DPP10: variants seen among roughly 807,000 people sequenced by gnomAD.
DPP10 encodes the protein inactive dipeptidyl peptidase 10.
A neutral mutation model predicts 120.9 loss-of-function variants in DPP10; 33 were observed. The observed-to-expected ratio is 0.27, with a 90% confidence interval of 0.21 to 0.37. The LOEUF (loss-of-function observed/expected upper bound fraction) is 0.37. Ranked by LOEUF, DPP10 falls within the 10% of genes least tolerant of loss-of-function variation. The pLI is 1.00. For synonymous variants in DPP10, 337 were observed against 326.1 expected, an observed-to-expected ratio of 1.03 and a Z score of -0.36; for missense variants, 816 against 942.8, an observed-to-expected ratio of 0.87 and a Z score of 1.76.
rs142947361 is a variant in DPP10 at position 114,934,867 on chromosome 2, T to C, written c.61-374372T>C. 3.3e-3 allele frequency among the ~76,000 whole-genome samples: 501 copies of C among 152,268 alleles called. 4 individuals carry two copies. Among genetic ancestry groups the C allele is most frequent in the African/African-American group, 0.012 (481 of 41,548 alleles). ...ATAGCGTTCATTTTTATATTGCAAATATCTTTTCTCTGTGCCCTTATAAAA... is the reference window on the plus strand; with the variant it reads ...ATAGCGTTCATTTTTATATTGCAAACATCTTTTCTCTGTGCCCTTATAAAA... On this transcript the variant is annotated intron_variant, in intron 1 of 25. Transcript: ENST00000410059.
intron 19 of DPP10, among the ~76,000 whole-genome samples, chr2:115,808,389 G>A (rs7568507): frequency 0.018 from 2,774 of 152,290 alleles, 86 homozygotes; most frequent in African/African-American, 0.061. Context: ...GTTGCATAGA[G>A]ATAGTCAGAT....
At chr2:114,581,331 C>T (rs1047632896) in intron 1 of DPP10, among the ~76,000 whole-genome samples, 1 of 151,388 alleles carries the variant, frequency 6.6e-6, no homozygotes, top group African/African-American at 2.4e-5. Flanking sequence ...CTACAGGTGC[C>T]CACCACCACG....
At chr2:115,314,717 A>G (rs2061711724) in intron 2 of DPP10, among the ~76,000 whole-genome samples, 1 of 152,214 alleles carries the variant, frequency 6.6e-6, no homozygotes, top group Admixed American at 6.6e-5. Context: ...ATACTGCCAC[A>G]GTGATGTTGA....
At chr2:114,708,964 C>T (rs1451750300) in intron 1 of DPP10, among the ~76,000 whole-genome samples, 1 of 152,132 alleles carries the variant, frequency 6.6e-6, no homozygotes, top group Non-Finnish European at 1.5e-5. Flanking sequence ...CTATGTAAAC[C>T]AGGCTGATCT....
intron 1 of DPP10, among the ~76,000 whole-genome samples, chr2:114,547,179 G>A (rs1046105116): frequency 6.6e-6 from 1 of 152,166 alleles, no homozygotes; most frequent in African/African-American, 2.4e-5. Context: ...TTTTACTTTC[G>A]AATTTGTGGT....
At chr2:114,479,737 G>T (rs1020300949) in intron 1 of DPP10, among the ~76,000 whole-genome samples, 6 of 152,170 alleles carry the variant, frequency 3.9e-5, no homozygotes, top group African/African-American at 1.4e-4. Flanking sequence ...AGACTTAAAT[G>T]TTAGACCCAA....
intron 1 of DPP10, among the ~76,000 whole-genome samples, chr2:114,816,201 T>G (rs1235614460): frequency 6.6e-6 from 1 of 152,166 alleles, no homozygotes; most frequent in East Asian, 1.9e-4. Context: ...CTTTTTTGTC[T>G]TTGGAATGTT....
rs79017082 is a variant in DPP10 at position 114,808,382 on chromosome 2, T to C, written c.60+365544T>C. The stretch of plus-strand genomic sequence containing the variant: ...GGTCAGCATGCATTTCTGAAAGAAA[T>C]ATACATAGGAATATAATTGCTAAGT... On this transcript the variant is annotated intron_variant, in intron 1 of 25. Coordinates refer to ENST00000410059, the MANE Select transcript of DPP10 (RefSeq NM_020868.6). Among the ~76,000 whole-genome samples, 706 of 152,284 alleles carry C rather than the reference T, an allele frequency of 4.6e-3. 3 individuals are homozygous for C. Among genetic ancestry groups the C allele is most frequent in the Non-Finnish European group, 5.4e-3 (367 of 68,020 alleles).
chr2:115,342,415 T>C (rs1298420359), intron 2 of DPP10, among the ~76,000 whole-genome samples: 1 of 152,138 alleles, frequency 6.6e-6, no homozygotes, highest in East Asian at 1.9e-4. Context: ...AGTTTCACCA[T>C]GTTGGCTAGG....
At chr2:114,822,857 A>G (rs1414052178) in intron 1 of DPP10, among the ~76,000 whole-genome samples, 2 of 152,186 alleles carry the variant, frequency 1.3e-5, no homozygotes, top group Non-Finnish European at 2.9e-5. Context: ...GTTCTCAACA[A>G]GTTCCTCATC....
chr2:115,020,879 T>C (rs1480969119), intron 1 of DPP10, among the ~76,000 whole-genome samples: 1 of 151,990 alleles, frequency 6.6e-6, no homozygotes, highest in Non-Finnish European at 1.5e-5. Flanking sequence ...CTCAGAATCA[T>C]GCAAATACAT....
chr2:114,800,459 C>T (rs983487387), intron 1 of DPP10, among the ~76,000 whole-genome samples: 11 of 152,094 alleles, frequency 7.2e-5, no homozygotes, highest in Non-Finnish European at 1.2e-4. Flanking sequence ...ACTTCACATA[C>T]GAGGAATGCT....
At chr2:115,245,617 C>T (rs988639117) in intron 1 of DPP10, among the ~76,000 whole-genome samples, 4 of 152,078 alleles carry the variant, frequency 2.6e-5, no homozygotes, top group African/African-American at 9.7e-5. Flanking sequence ...ATCCAGTAAT[C>T]CCAATATTGG....
At chr2:114,883,790 C>A (rs1352341115) in intron 1 of DPP10, among the ~76,000 whole-genome samples, 1 of 152,188 alleles carries the variant, frequency 6.6e-6, no homozygotes, top group Non-Finnish European at 1.5e-5. Context: ...ACTCACAGGT[C>A]TGGCATTCAG....
chr2:115,067,015 A>G (rs961103717), intron 1 of DPP10, among the ~76,000 whole-genome samples: 1 of 152,016 alleles, frequency 6.6e-6, no homozygotes, highest in African/African-American at 2.4e-5. Flanking sequence ...AAACTAATTC[A>G]TTCTGCATAA....
intron 1 of DPP10, among the ~76,000 whole-genome samples, chr2:115,139,345 G>A (rs2050799919): frequency 6.7e-6 from 1 of 148,520 alleles, no homozygotes; most frequent in Non-Finnish European, 1.5e-5. Context: ...TCATAGGAAA[G>A]TTCATAGATT....
At chr2:114,935,022 G>A (rs949926599) in intron 1 of DPP10, among the ~76,000 whole-genome samples, 2 of 152,044 alleles carry the variant, frequency 1.3e-5, no homozygotes, top group Admixed American at 1.3e-4. Flanking sequence ...CACTGTGCAG[G>A]TTTTAGAGAT....
intron 1 of DPP10, among the ~76,000 whole-genome samples, chr2:114,621,411 C>A (rs1287307981): frequency 2.0e-5 from 3 of 152,054 alleles, no homozygotes; most frequent in Non-Finnish European, 4.4e-5. Context: ...CTTTTATCCA[C>A]CATGTAAGTC....
intron 1 of DPP10, among the ~76,000 whole-genome samples, chr2:114,522,889 C>T (rs1168193740): frequency 6.6e-6 from 1 of 152,170 alleles, no homozygotes; most frequent in African/African-American, 2.4e-5. Context: ...TCTCCTGAGA[C>T]CCATTCACTC....
Sources: allele counts gnomAD v4.1 joint callset (sites outside exome capture counted in the v4.1 genomes callset), GRCh38; gene constraint gnomAD v4.1.1; transcripts MANE v1.5; gene names NCBI Gene and HGNC (gene_info 2026-07-23, HGNC 2026-07-21).